Variants in CTNNAL1 observed in about 807,000 individuals in gnomAD.
The protein encoded by CTNNAL1 is alpha-catulin.
A neutral mutation model predicts 93.6 loss-of-function variants in CTNNAL1; 69 were observed. The ratio of observed to expected loss-of-function variants is 0.74; its 90% CI spans 0.61 to 0.90. The LOEUF (loss-of-function observed/expected upper bound fraction) is 0.90, where lower values mean the gene tolerates loss of function less well. Ranked by LOEUF, CTNNAL1 falls within the 40% of genes least tolerant of loss-of-function variation. The pLI is 0.00. For synonymous variants in CTNNAL1, 286 were observed against 305.4 expected (o/e 0.94, Z 0.66); for missense variants, 836 against 862.0 (o/e 0.97, Z 0.38).
intron 11 of CTNNAL1, among the ~76,000 whole-genome samples, chr9:108,959,459 C>T (rs987742473): frequency 6.6e-6 from 1 of 150,540 alleles, no homozygotes; most frequent in African/African-American, 2.4e-5. Context: ...GCATGGTGGC[C>T]AGCACCTGTA....
rs762118540 is a variant in CTNNAL1 at position 108,990,821 on chromosome 9, C to G, written c.544G>C (p.Glu182Gln). ...AACTCTTGAAAGCTATTCACTTTCTCTAGTCTTTCCATAGTTGCGAGAACC... is the reference window on the plus strand; with the variant it reads ...AACTCTTGAAAGCTATTCACTTTCTGTAGTCTTTCCATAGTTGCGAGAACC... ...NKVLATMERLEKVNSFQEFVQ... is the reference protein window; with the variant it reads ...NKVLATMERLQKVNSFQEFVQ... The change falls in exon 4 of 19, where the codon GAG (glutamate) becomes CAG (glutamine). Residue 182 changes from glutamate to glutamine, a missense_variant. By Grantham distance (29) the Glu-to-Gln change is conservative (BLOSUM62 2). Coordinates refer to ENST00000325551, the MANE Select transcript of CTNNAL1 (RefSeq NM_003798.4). The G allele has an allele frequency of 6.2e-7, 1 of 1,613,296 alleles. No homozygotes were observed. Among genetic ancestry groups the G allele is most frequent in the South Asian group, 1.1e-5 (1 of 90,814 alleles).
At chr9:108,990,871 T>C (rs770874743) in intron 3 of CTNNAL1, 26 bp from the exon 4 acceptor site, 2 of 1,604,010 alleles carry the variant, frequency 1.2e-6, no homozygotes, top group South Asian at 1.1e-5. Flanking sequence ...TAATTCATTA[T>C]TTGGTGAGAG....
intron 11 of CTNNAL1, among the ~76,000 whole-genome samples, chr9:108,957,366 C>T (rs747992542): frequency 3.3e-5 from 5 of 152,006 alleles, no homozygotes; most frequent in East Asian, 1.9e-4. Context: ...GTGATCTTCC[C>T]GCCTTGGCCT....
In CTNNAL1 at chr9:109,013,475, C is replaced by G; in HGVS notation, c.-33G>C. ...GGTCTATCCCGCAGCCGGGACTCCG[C>G]GCCGCGGCGAGCCTGCCGCCAGTCA... On this transcript the variant is annotated 5_prime_UTR_variant, in exon 1 of 19. Transcript: ENST00000325551. 2 of 1,331,448 alleles carry G rather than the reference C, an allele frequency of 1.5e-6. No homozygotes were observed. The highest frequency in any genetic ancestry group is 4.0e-5 in the Admixed American group (1 of 24,794). 82.5% of individuals were successfully genotyped at this position (1,331,448 alleles called of 1,614,324 possible).
chr9:108,969,056 G>T (rs189829619), intron 10 of CTNNAL1, among the ~76,000 whole-genome samples: 1 of 152,214 alleles, frequency 6.6e-6, no homozygotes, highest in Admixed American at 6.5e-5. Flanking sequence ...GGGATCATGA[G>T]GTCAGGGGTT....
chr9:108,987,147 T>C (rs1350742495), intron 4 of CTNNAL1, among the ~76,000 whole-genome samples: 2 of 152,052 alleles, frequency 1.3e-5, no homozygotes, highest in Non-Finnish European at 2.9e-5. Context: ...TCTTCTAGGG[T>C]TTTTATGGTT....
At chr9:108,943,914 G>T in intron 16 of CTNNAL1, 48 bp downstream of exon 16, 3 of 1,602,488 alleles carry the variant, frequency 1.9e-6, no homozygotes, top group Non-Finnish European at 2.6e-6. Flanking sequence ...CCCAAAGTAG[G>T]TTATACATAA....
intron 7 of CTNNAL1, 26 bp from the exon 8 acceptor site, chr9:108,977,074 T>C (rs1831289040): frequency 1.8e-6 from 2 of 1,100,800 alleles, no homozygotes; most frequent in Non-Finnish European, 2.6e-6. Context: ...AGTATACATG[T>C]AATGTTACCG....
At chr9:108,994,946 T>C (rs567833355) in intron 2 of CTNNAL1, among the ~76,000 whole-genome samples, 6 of 152,202 alleles carry the variant, frequency 3.9e-5, no homozygotes, top group African/African-American at 1.2e-4. Flanking sequence ...CCAACAACCA[T>C]GAGAGGGAGG....
In CTNNAL1 at chr9:109,013,446, C is replaced by A; in HGVS notation, c.-4G>T. 1 of 1,454,346 alleles carries A rather than the reference C, an allele frequency of 6.9e-7. No individual in the cohort carries two copies. The highest frequency in any genetic ancestry group is 9.1e-7 in the Non-Finnish European group (1 of 1,100,426). The allele number at this position is 1,454,346 out of a possible 1,614,324, so 90.1% of individuals were successfully genotyped here. On this transcript the variant is annotated 5_prime_UTR_variant, in exon 1 of 19. Coordinates refer to ENST00000325551, the MANE Select transcript of CTNNAL1 (RefSeq NM_003798.4). Reference sequence around the variant, plus strand: ...CGGGTCCGGGAGAGGCGGCCATGGCCCTCGGTCTATCCCGCAGCCGGGACT... The same window carrying A: ...CGGGTCCGGGAGAGGCGGCCATGGCACTCGGTCTATCCCGCAGCCGGGACT...
intron 1 of CTNNAL1, among the ~76,000 whole-genome samples, chr9:109,011,917 C>A (rs1827215687): frequency 6.6e-6 from 1 of 152,224 alleles, no homozygotes; most frequent in Non-Finnish European, 1.5e-5. Flanking sequence ...AACTTGAACT[C>A]CATCACTCTC....
At position 108,972,658 on chromosome 9, in the gene CTNNAL1, G is replaced by T; in HGVS notation, c.1347+17C>A. 6.3e-7 allele frequency: 1 copy of T among 1,595,048 alleles called. No individual in the cohort carries two copies. The highest frequency in any genetic ancestry group is 8.5e-7 in the Non-Finnish European group (1 of 1,171,620). Reference sequence around the variant, plus strand: ...CCATTATTAAACTACAATTTCTTTAGCACCTTGTTTACTCACCTCAACAAG... The same window carrying T: ...CCATTATTAAACTACAATTTCTTTATCACCTTGTTTACTCACCTCAACAAG... On this transcript the variant is annotated intron_variant, in intron 9 of 18. Coordinates refer to ENST00000325551, the MANE Select transcript of CTNNAL1 (RefSeq NM_003798.4).
chr9:108,989,600 C>CAAGAA (rs1031387561), intron 4 of CTNNAL1, among the ~76,000 whole-genome samples: 6 of 152,092 alleles, frequency 3.9e-5, no homozygotes, highest in African/African-American at 1.4e-4. Context: ...AGAACCATCC[C>CAAGAA]AAGAAATGGT....
At chr9:109,010,534 C>G (rs72758396) in intron 1 of CTNNAL1, among the ~76,000 whole-genome samples, 4 of 152,206 alleles carry the variant, frequency 2.6e-5, no homozygotes, top group Non-Finnish European at 5.9e-5. Flanking sequence ...TCTGTAGATA[C>G]TCTATCAGGT....
chr9:108,989,434 CAAT>C (rs575167081), intron 4 of CTNNAL1, among the ~76,000 whole-genome samples: 64 of 152,142 alleles, frequency 4.2e-4, no homozygotes, highest in African/African-American at 1.4e-3. Flanking sequence ...GAAAATGAAA[CAAT>C]AAAGTACCTG....
intron 14 of CTNNAL1, among the ~76,000 whole-genome samples, chr9:108,951,319 G>T (rs1016053221): frequency 6.6e-6 from 1 of 151,978 alleles, no homozygotes; most frequent in African/African-American, 2.4e-5. Context: ...CCGGCAGGGG[G>T]TGCTATTTAT....
At chr9:108,999,848 C>G (rs1178368231) in intron 1 of CTNNAL1, among the ~76,000 whole-genome samples, 2 of 151,966 alleles carry the variant, frequency 1.3e-5, no homozygotes, top group African/African-American at 4.8e-5. Flanking sequence ...GATCCCAGGC[C>G]CTGAAATAAA....
intron 3 of CTNNAL1, chr9:108,991,952 T>C: frequency 1.5e-6 from 1 of 680,562 alleles, no homozygotes; most frequent in South Asian, 1.6e-5. Context: ...ATCTGTTCTG[T>C]AAGTTTTGAG....
At position 108,999,253 on chromosome 9, in the gene CTNNAL1, T is replaced by C. The variant is rs1466751403; in HGVS notation, c.145A>G (p.Thr49Ala). The C allele has an allele frequency of 6.3e-7, 1 of 1,580,128 alleles. No individual in the cohort carries two copies. Among genetic ancestry groups the C allele is most frequent in the Non-Finnish European group, 8.6e-7 (1 of 1,167,852 alleles). Reference protein sequence around the residue: ...QTLLPLVSQITTLINHKDNTK... With the variant: ...QTLLPLVSQIATLINHKDNTK... ...TTATCTTTATGATTAATAAGCGTGGTGATCTAAAAATAAAAGATAAAAGCA... is the reference window on the plus strand; with the variant it reads ...TTATCTTTATGATTAATAAGCGTGGCGATCTAAAAATAAAAGATAAAAGCA... Residue 49 changes from threonine (T) to alanine (A), a missense_variant, in exon 2 of 19, where the codon ACC becomes GCC. Coordinates refer to ENST00000325551, the MANE Select transcript of CTNNAL1 (RefSeq NM_003798.4).
Sources: gnomAD v4.1 joint callset for allele counts (sites outside exome capture counted in the v4.1 genomes callset) on GRCh38, gnomAD v4.1.1 for gene constraint, MANE v1.5 for transcripts, NCBI Gene and HGNC (gene_info 2026-07-23, HGNC 2026-07-21) for gene names.